KRT6B: variants seen among roughly 807,000 people sequenced by gnomAD.
The protein encoded by KRT6B is keratin, type II cytoskeletal 6B.
KRT6B carries 29 observed loss-of-function variants against 44.7 expected under a neutral mutation model. The observed-to-expected ratio is 0.65, with a 90% CI of 0.48 to 0.88. KRT6B has a LOEUF of 0.88. KRT6B is among the 40% of genes least tolerant of loss of function. The pLI, the probability that KRT6B is intolerant of heterozygous loss-of-function variation, is 0.00. For missense variants in KRT6B, 600 were observed against 724.0 expected (o/e 0.83, Z 1.97); for synonymous variants, 213 against 296.0 (o/e 0.72, Z 2.88).
At position 52,448,654 on chromosome 12, in the gene KRT6B, G is replaced by C. The variant is rs185537255; in HGVS notation, c.1203+188C>G. 5.3e-5 allele frequency among the ~76,000 whole-genome samples: 8 copies of C among 152,212 alleles called. 2 individuals are homozygous for C. Among genetic ancestry groups the C allele is most frequent in the Admixed American group, 4.6e-4 (7 of 15,296 alleles). On this transcript the variant is annotated intron_variant, in intron 6 of 8. Transcript: ENST00000252252. Reference sequence around the variant, plus strand: ...TGAGAGTGCTTCTGCCCAGGTGATTGTTTCATATCCTTGGGTGTGATCCAT... The same window carrying C: ...TGAGAGTGCTTCTGCCCAGGTGATTCTTTCATATCCTTGGGTGTGATCCAT...
In KRT6B at chr12:52,450,449, C is replaced by G. The variant is rs775562449; in HGVS notation, c.712G>C (p.Glu238Gln). The G allele has an allele frequency of 4.3e-6, 7 of 1,614,186 alleles. No individual in the cohort carries two copies. Among genetic ancestry groups the G allele is most frequent in the Non-Finnish European group, 5.9e-6 (7 of 1,180,036 alleles). Residue 238 changes from glutamate to glutamine, a missense_variant, in exon 2 of 9, where the codon GAG becomes CAG. Glu to Gln is a conservative substitution (Grantham distance 29). Transcript: ENST00000252252. ...ACCAGGTCCTGCATGTTTCTCAGCT[C>G]CGAGTCCAGACGACCCCGTTCCCCC... ...IVGERGRLDS[E>Q]LRNMQDLVED...
At position 52,447,573 on chromosome 12, in the gene KRT6B, C is replaced by A. The variant is rs758625476; in HGVS notation, c.1425G>T (p.Arg475Ser). The A allele has an allele frequency of 1.2e-6, 2 of 1,613,986 alleles. No individual in the cohort carries two copies. Among genetic ancestry groups the A allele is most frequent in the South Asian group, 2.2e-5 (2 of 91,080 alleles). Residue 475 changes from arginine to serine, a missense_variant and splice_region_variant, in exon 8 of 9, where the codon AGG becomes AGT. Around this residue, in one of 4 missense-constraint regions of KRT6B, gnomAD observed 479 missense variants for 454.2 expected, o/e 1.05. Transcript: ENST00000252252. ...CTTGTCCAACGCCTTCGCCATTCAG[C>A]CTGTGGAGAGGAACACAGGGAGGGT... ...YRKLLEGEECRLNGEGVGQVN... is the reference protein window; with the variant it reads ...YRKLLEGEECSLNGEGVGQVN...
chr12:52,451,099 T>A (rs586251), intron 1 of KRT6B, among the ~76,000 whole-genome samples: 1 of 150,060 alleles, frequency 6.7e-6, no homozygotes, highest in African/African-American at 2.5e-5. Flanking sequence ...TTTATCCATG[T>A]TTTACAGTTG....
rs140303040 is a variant in KRT6B at position 52,449,835 on chromosome 12, T to A, written c.835A>T (p.Met279Leu). Residue 279 changes from methionine (M) to leucine (L), a missense_variant, in exon 4 of 9, where the codon ATG becomes TTG. This residue lies in a region of KRT6B where 479 missense variants were observed against 454.2 expected (regional missense o/e 1.05). Transcript: ENST00000252252. ...TTGGCTTGCAGTTCAACCTTGTTCA[T>A]GTAGGCAGCATCCACATCCTGGGGA... Reference protein sequence around the residue: ...TLKKDVDAAYMNKVELQAKAD... With the variant: ...TLKKDVDAAYLNKVELQAKAD... The A allele has an allele frequency of 1.1e-4, 180 of 1,614,002 alleles. No homozygotes were observed. The African/African-American group carries it at 2.1e-3, about 19-fold the overall frequency.
rs11503946 is a variant in KRT6B at position 52,449,501 on chromosome 12, T to C, written c.1045A>G (p.Arg349Gly). 2 of 1,614,154 alleles carry C rather than the reference T, an allele frequency of 1.2e-6. No individual in the cohort carries two copies. Among genetic ancestry groups the C allele is most frequent in the Non-Finnish European group, 1.7e-6 (2 of 1,180,024 alleles). ...TGGTACCAGGACTCAGCCTCAGCCC[T>C]GCTCCTCTGAGCAATCTCCTCATAT... ...AQYEEIAQRS[R>G]AEAESWYQTK... The change falls in exon 5 of 9, where the codon AGG becomes GGG. Residue 349 changes from arginine (R) to glycine (G), a missense_variant. Arg to Gly is a moderately radical substitution (Grantham distance 125). Transcript: ENST00000252252.
At chr12:52,449,679 C>T (rs552586932) in intron 4 of KRT6B, 46 bp from the exon 5 acceptor site, 1 of 1,614,212 alleles carries the variant, frequency 6.2e-7, no homozygotes, top group African/African-American at 1.3e-5. Context: ...CTGACATTTA[C>T]AGAGATGCCC....
chr12:52,450,761 C>T, intron 1 of KRT6B, 141 bp from the exon 2 acceptor site: 2 of 1,319,142 alleles, frequency 1.5e-6, no homozygotes, highest in South Asian at 1.3e-5. Flanking sequence ...CTGAGCTCTG[C>T]TCCCCCAACT....
Position 52,447,903 on chromosome 12 carries a change from G to A in KRT6B, c.1299C>T (p.Ala433=), listed in dbSNP as rs1415349697. The A allele has an allele frequency of 5.6e-6, 9 of 1,614,116 alleles. No individual in the cohort carries two copies. The highest frequency in any genetic ancestry group is 7.6e-6 in the Non-Finnish European group (9 of 1,180,018). ...AKNKLEGLED[A]LQKAKQDLAR... ...CCAGGTCCTGCTTGGCCTTCTGCAG[G>A]GCATCCTCCAGCCCTTCCAGCTTGT... is the stretch of plus-strand genomic sequence containing the variant. Residue 433 remains alanine (A), a synonymous_variant, in exon 7 of 9, where the codon GCC becomes GCT. Transcript: ENST00000252252.
At position 52,449,595 on chromosome 12, in the gene KRT6B, G is replaced by A. The variant is rs377079859; in HGVS notation, c.951C>T (p.Ser317=). 8.8e-5 allele frequency: 142 copies of A among 1,614,090 alleles called. No homozygotes were observed. The highest frequency in any genetic ancestry group is 7.3e-4 in the Admixed American group (44 of 60,012). ...GGTTGTTGTCCATGGATAGCACCACGGATGTGTCTGAGATGTGGGTCTGCA... is the reference window on the plus strand; with the variant it reads ...GGTTGTTGTCCATGGATAGCACCACAGATGTGTCTGAGATGTGGGTCTGCA... ...SQMQTHISDT[S]VVLSMDNNRN... Residue 317 remains serine, a synonymous_variant, in exon 5 of 9, where the codon TCC becomes TCT. Coordinates refer to ENST00000252252, the MANE Select transcript of KRT6B (RefSeq NM_005555.4).
rs1217543076 is a variant in KRT6B at position 52,449,765 on chromosome 12, T to C, written c.905A>G (p.Tyr302Cys). ...GATGGTGGAGTTGCTTACTGCATCA[T>C]ACAAGGCTCTCAGGAAGTTGATCTC... ...TDEINFLRAL[Y>C]DAELSQMQTH... The change falls in exon 4 of 9, where the codon TAT (tyrosine) becomes TGT (cysteine). Residue 302 changes from tyrosine (Y) to cysteine (C), a missense_variant. Around this residue, in one of 4 missense-constraint regions of KRT6B, gnomAD observed 479 missense variants for 454.2 expected, o/e 1.05. Transcript: ENST00000252252. 5 of 1,613,914 alleles carry C rather than the reference T, an allele frequency of 3.1e-6. No homozygotes were observed. The highest frequency in any genetic ancestry group is 4.5e-5 in the East Asian group (2 of 44,898).
At position 52,452,062 on chromosome 12, in the gene KRT6B, G is replaced by T. The variant is rs764803667; in HGVS notation, c.17C>A (p.Thr6Asn). 9.3e-6 allele frequency: 15 copies of T among 1,614,052 alleles called. No homozygotes were observed. Among genetic ancestry groups the T allele is most frequent in the Non-Finnish European group, 1.3e-5 (15 of 1,180,044 alleles). Reference protein sequence around the residue: MASTSTTIRSHSSSRR... With the variant: MASTSNTIRSHSSSRR... ...GCTGCTGCTGTGGCTCCTGATGGTG[G>T]TGGATGTGCTGGCCATGGTTCCAGG... The change falls in exon 1 of 9, where the codon ACC becomes AAC. Residue 6 changes from threonine to asparagine, a missense_variant. By Grantham distance (65) the Thr-to-Asn change is moderately conservative. Transcript: ENST00000252252.
At position 52,451,478 on chromosome 12, in the gene KRT6B, G is replaced by C. The variant is rs1023134072; in HGVS notation, c.540+61C>G. On this transcript the variant is annotated intron_variant, in intron 1 of 8. Coordinates refer to ENST00000252252, the MANE Select transcript of KRT6B (RefSeq NM_005555.4). Reference sequence around the variant, plus strand: ...CTCCTAGGGTCTCTCCGGCAGGAAGGTGTTGCTCTTCTGGTCTGGGGACCC... The same window carrying C: ...CTCCTAGGGTCTCTCCGGCAGGAAGCTGTTGCTCTTCTGGTCTGGGGACCC... 5.0e-6 allele frequency: 8 copies of C among 1,613,158 alleles called. No homozygotes were observed. In the Admixed American group the frequency reaches 6.7e-5, roughly 13 times the overall value.
Position 52,451,761 on chromosome 12 carries a change from G to C in KRT6B, c.318C>G (p.Ala106=), listed in dbSNP as rs753114842. 1 of 1,611,538 alleles carries C rather than the reference G, an allele frequency of 6.2e-7. No individual in the cohort carries two copies. The highest frequency in any genetic ancestry group is 1.3e-5 in the African/African-American group (1 of 74,366). ...AGSGFGFGGG[A]GIGFGLGGGA... ...CACCACCCAGACCAAAGCCAATGCC[G>C]GCTCCACCACCGAAACCAAATCCAC... Residue 106 remains alanine (A), a synonymous_variant, in exon 1 of 9, where the codon GCC becomes GCG. Coordinates refer to ENST00000252252, the MANE Select transcript of KRT6B (RefSeq NM_005555.4).
intron 7 of KRT6B, 24 bp downstream of exon 7, chr12:52,447,754 G>C: frequency 6.2e-7 from 1 of 1,614,242 alleles, no homozygotes; most frequent in Non-Finnish European, 8.5e-7. Context: ...TCAGCTGTTG[G>C]AGGAAGTCGC....
At position 52,451,644 on chromosome 12, in the gene KRT6B, C is replaced by A. The variant is rs771760662; in HGVS notation, c.435G>T (p.Leu145=). 1 of 1,613,142 alleles carries A rather than the reference C, an allele frequency of 6.2e-7. No homozygotes were observed. The highest frequency in any genetic ancestry group is 1.1e-5 in the South Asian group (1 of 91,058). The change falls in exon 1 of 9, where the codon CTG becomes CTT. Residue 145 remains leucine, a synonymous_variant. Coordinates refer to ENST00000252252, the MANE Select transcript of KRT6B (RefSeq NM_005555.4). ...IQEVTVNQSL[L]TPLNLQIDPA... is the part of the protein sequence containing the mutation. ...GGTCAATTTGCAGGTTGAGGGGAGT[C>A]AGGAGACTCTGGTTGACAGTGACCT... is the stretch of plus-strand genomic sequence containing the variant.
Position 52,452,132 on chromosome 12 carries a change from G to C in KRT6B, c.-54C>G, listed in dbSNP as rs899454387. 7.4e-6 allele frequency: 12 copies of C among 1,613,124 alleles called. No individual in the cohort carries two copies. The highest frequency in any genetic ancestry group is 5.3e-5 in the African/African-American group (4 of 74,928). ...AGTGTGAGAGGCTGGAGGCGAGAGG[G>C]AGGAGAAGCAGGACGAGGAATCGGA... On this transcript the variant is annotated 5_prime_UTR_variant, in exon 1 of 9. Transcript: ENST00000252252.
Position 52,451,362 on chromosome 12 carries a change from A to C in KRT6B, c.540+177T>G, listed in dbSNP as rs1346889042. On this transcript the variant is annotated intron_variant, in intron 1 of 8. Transcript: ENST00000252252. Reference sequence around the variant, plus strand: ...GAGTGAGGGCCACTCCAGATATCCCATGGGGGAGTGATGCCCATCTGTGCT... The same window carrying C: ...GAGTGAGGGCCACTCCAGATATCCCCTGGGGGAGTGATGCCCATCTGTGCT... Among the ~76,000 whole-genome samples the C allele has an allele frequency of 2.7e-5, 4 of 149,574 alleles. No individual in the cohort carries two copies. In the Admixed American group the frequency reaches 2.7e-4, roughly 10 times the overall value.
Position 52,447,381 on chromosome 12 carries a change from C to G in KRT6B, c.1504G>C (p.Gly502Arg), listed in dbSNP as rs149152547. The change falls in exon 9 of 9, where the codon GGT becomes CGT. Residue 502 changes from glycine to arginine, a missense_variant. Coordinates refer to ENST00000252252, the MANE Select transcript of KRT6B (RefSeq NM_005555.4). Reference sequence around the variant, plus strand: ...CCCAGGCCTAAGCCACTGCCGACACCGCTGGCACCGCCATAGCCACTGGAG... The same window carrying G: ...CCCAGGCCTAAGCCACTGCCGACACGGCTGGCACCGCCATAGCCACTGGAG... The part of the protein sequence containing the change: ...TVSSGYGGAS[G>R]VGSGLGLGGG... 6.2e-6 allele frequency: 10 copies of G among 1,613,734 alleles called. No individual in the cohort carries two copies. Among genetic ancestry groups the G allele is most frequent in the African/African-American group, 5.3e-5 (4 of 74,918 alleles).
At chr12:52,447,615 G>T (rs201589403) in intron 7 of KRT6B, 42 bp from the exon 8 acceptor site, 1 of 1,614,000 alleles carries the variant, frequency 6.2e-7, no homozygotes, top group East Asian at 2.2e-5. Context: ...TTCCCTGGAC[G>T]AGCATGGGAA....
Sources: gnomAD v4.1 joint callset for allele counts (sites outside exome capture counted in the v4.1 genomes callset) on GRCh38, gnomAD v4.1.1 for gene constraint, gnomAD v4.1.1 regional missense constraint, MANE v1.5 for transcripts, NCBI Gene and HGNC (gene_info 2026-07-23, HGNC 2026-07-21) for gene names.